The following PTPRR variants were observed in gnomAD, a reference collection of about 807,000 sequenced individuals.
PTPRR encodes the protein receptor-type tyrosine-protein phosphatase R.
PTPRR carries 38 observed loss-of-function variants against 77.2 expected under a neutral mutation model. The observed-to-expected ratio is 0.49, with a 90% CI of 0.38 to 0.65. The LOEUF (loss-of-function observed/expected upper bound fraction) is 0.65. Among genes scored for constraint, PTPRR ranks in the 30% least tolerant of loss-of-function variants. PTPRR has a pLI of 0.00. For synonymous variants in PTPRR, 299 were observed against 283.1 expected (o/e 1.06, Z -0.57); for missense variants, 744 against 799.2 (o/e 0.93, Z 0.83).
At chr12:70,840,189 A>T (rs1234368179) in intron 2 of PTPRR, among the ~76,000 whole-genome samples, 2 of 152,044 alleles carry the variant, frequency 1.3e-5, no homozygotes, top group African/African-American at 4.8e-5. Context: ...GAGGTTCTGG[A>T]GGGGGAATCT....
At chr12:70,741,439 G>A (rs1400055213) in intron 6 of PTPRR, among the ~76,000 whole-genome samples, 1 of 152,146 alleles carries the variant, frequency 6.6e-6, no homozygotes, top group Non-Finnish European at 1.5e-5. Flanking sequence ...GCCTCAAATT[G>A]GCTTCCAAGA....
rs369006940 is a variant in PTPRR at position 70,909,623 on chromosome 12, A to T, written c.58+10710T>A. 1.1e-3 allele frequency among the ~76,000 whole-genome samples: 161 copies of T among 152,348 alleles called. 6 individuals carry two copies. The South Asian group carries it at 0.032, about 31-fold the overall frequency. On this transcript the variant is annotated intron_variant, in intron 1 of 13. Transcript: ENST00000283228. ...ATTAGTATAAGCAAAGCCTCTGTTA[A>T]TCAGGGCCCCCTTCACATAAACTCA...
chr12:70,753,262 A>C (rs1890458817), intron 5 of PTPRR, among the ~76,000 whole-genome samples: 2 of 152,182 alleles, frequency 1.3e-5, no homozygotes, highest in Non-Finnish European at 2.9e-5. Flanking sequence ...GGGGAAGCAG[A>C]AATAAACAAA....
intron 13 of PTPRR, among the ~76,000 whole-genome samples, chr12:70,649,327 G>A (rs1886308619): frequency 6.6e-6 from 1 of 152,052 alleles, no homozygotes; most frequent in South Asian, 2.1e-4. Flanking sequence ...TTTGCTGTTA[G>A]CCATACCTGG....
intron 1 of PTPRR, among the ~76,000 whole-genome samples, chr12:70,915,909 T>C (rs1018483648): frequency 6.6e-6 from 1 of 152,218 alleles, no homozygotes; most frequent in South Asian, 2.1e-4. Flanking sequence ...ATTTATTTAA[T>C]CTTTAGAAAG....
intron 2 of PTPRR, among the ~76,000 whole-genome samples, chr12:70,852,716 C>G (rs7961271): frequency 0.47 from 70,924 of 152,044 alleles, 17,150 homozygotes; most frequent in Admixed American, 0.58. Context: ...TCAAGGATCA[C>G]CTTTGTAACA....
chr12:70,760,521 G>A (rs866075858), intron 4 of PTPRR, among the ~76,000 whole-genome samples: 1 of 152,162 alleles, frequency 6.6e-6, no homozygotes, highest in South Asian at 2.1e-4. Flanking sequence ...CAGGGAAGAT[G>A]GCTCACTCAC....
chr12:70,832,960 C>T (rs1892240461), intron 2 of PTPRR, among the ~76,000 whole-genome samples: 1 of 152,022 alleles, frequency 6.6e-6, no homozygotes, highest in African/African-American at 2.4e-5. Flanking sequence ...TTCCTGTTCC[C>T]TACAAATGTG....
At chr12:70,820,479 G>A (rs1055922167) in intron 2 of PTPRR, among the ~76,000 whole-genome samples, 12 of 152,130 alleles carry the variant, frequency 7.9e-5, no homozygotes, top group African/African-American at 2.4e-4. Flanking sequence ...GACTACAGGC[G>A]CCCGCCACCA....
intron 8 of PTPRR, among the ~76,000 whole-genome samples, chr12:70,691,396 C>T (rs1199684745): frequency 6.6e-6 from 1 of 152,102 alleles, no homozygotes; most frequent in African/African-American, 2.4e-5. Context: ...TTTCCAATCT[C>T]CTGCTCATTT....
chr12:70,690,793 GACTCTT>G (rs1565649459), intron 8 of PTPRR, among the ~76,000 whole-genome samples: 1 of 152,194 alleles, frequency 6.6e-6, no homozygotes, highest in Non-Finnish European at 1.5e-5. Context: ...AGAGTTGAAA[GACTCTT>G]TGTGGACTAA....
At chr12:70,813,812 G>C (rs909531706) in intron 2 of PTPRR, among the ~76,000 whole-genome samples, 1 of 152,166 alleles carries the variant, frequency 6.6e-6, no homozygotes, top group Non-Finnish European at 1.5e-5. Context: ...GTATGGAAAA[G>C]AGAGACCTAC....
intron 2 of PTPRR, among the ~76,000 whole-genome samples, chr12:70,889,875 A>C (rs571347677): frequency 6.6e-6 from 1 of 151,794 alleles, no homozygotes; most frequent in Non-Finnish European, 1.5e-5. Context: ...TCCCATTTCC[A>C]TGCCGTTTCA....
intron 6 of PTPRR, among the ~76,000 whole-genome samples, chr12:70,728,323 T>C (rs1445071830): frequency 1.4e-4 from 18 of 128,310 alleles, no homozygotes; most frequent in Non-Finnish European, 2.7e-4. Flanking sequence ...TGTCTCTAGA[T>C]ATATATATAT....
intron 7 of PTPRR, among the ~76,000 whole-genome samples, chr12:70,699,930 C>T (rs1434166900): frequency 1.3e-5 from 2 of 152,110 alleles, no homozygotes; most frequent in Non-Finnish European, 2.9e-5. Context: ...CTCCTTCTGG[C>T]CTTCAATTTC....
chr12:70,662,638 T>G, intron 10 of PTPRR, 33 bp from the exon 11 acceptor site: 1 of 1,322,118 alleles, frequency 7.6e-7, no homozygotes, highest in Non-Finnish European at 1.1e-6. Context: ...CAGCAAATAT[T>G]AATGGCTTTT....
Position 70,787,765 on chromosome 12 carries a change from T to A in PTPRR, c.358-22987A>T, listed in dbSNP as rs892500075. On this transcript the variant is annotated intron_variant, in intron 2 of 13. Coordinates refer to ENST00000283228, the MANE Select transcript of PTPRR (RefSeq NM_002849.4). The stretch of plus-strand genomic sequence containing the variant: ...TTGACTTCTTGAATCAAATAATTTA[T>A]TTGGGCCATCTTGATGACTGTTTTC... Among the ~76,000 whole-genome samples the A allele has an allele frequency of 5.9e-5, 9 of 152,304 alleles. No individual in the cohort carries two copies. In the South Asian group the frequency reaches 1.7e-3, roughly 28 times the overall value.
At chr12:70,679,782 T>C (rs1241473667) in intron 10 of PTPRR, among the ~76,000 whole-genome samples, 1 of 152,172 alleles carries the variant, frequency 6.6e-6, no homozygotes, top group Non-Finnish European at 1.5e-5. Context: ...TGTCTTTACA[T>C]GTGAAGTGAG....
chr12:70,861,182 T>C (rs1289441687), intron 2 of PTPRR, among the ~76,000 whole-genome samples: 5 of 152,154 alleles, frequency 3.3e-5, no homozygotes, highest in Non-Finnish European at 5.9e-5. Context: ...AGAAGCTCCA[T>C]AGAGGAAAGT....
Sources: allele counts gnomAD v4.1 joint callset (sites outside exome capture counted in the v4.1 genomes callset), GRCh38; gene constraint gnomAD v4.1.1; transcripts MANE v1.5; gene names NCBI Gene and HGNC (gene_info 2026-07-23, HGNC 2026-07-21).